BMP8A: variants seen among roughly 807,000 people sequenced by gnomAD.
BMP8A encodes the protein BMP-8A.
Under a neutral mutation model 36.8 loss-of-function variants are expected in BMP8A, and 14 were observed. The ratio of observed to expected loss-of-function variants is 0.38; its 90% confidence interval spans 0.25 to 0.60. The LOEUF (loss-of-function observed/expected upper bound fraction) is 0.60. Among genes scored for constraint, BMP8A ranks in the 20% least tolerant of loss-of-function variants. BMP8A has a pLI of 0.63. For missense variants in BMP8A, 267 were observed against 551.1 expected (o/e 0.48, Z 5.16); for synonymous variants, 120 against 237.7 (o/e 0.50, Z 4.55).
At chr1:39,507,579 T>C (rs1345079755) in intron 1 of BMP8A, among the ~76,000 whole-genome samples, 4 of 152,060 alleles carry the variant, frequency 2.6e-5, no homozygotes, top group Non-Finnish European at 5.9e-5. Flanking sequence ...GAGGAGATTG[T>C]ATTTGGTACT....
chr1:39,525,103 G>A, intron 6 of BMP8A: 1 of 155,150 alleles, frequency 6.4e-6, no homozygotes, highest in Non-Finnish European at 1.4e-5. Context: ...GGAGTGGAGA[G>A]GTGCGGGCAC....
intron 1 of BMP8A, among the ~76,000 whole-genome samples, chr1:39,506,868 C>G (rs1645306488): frequency 6.6e-6 from 1 of 152,218 alleles, no homozygotes; most frequent in Non-Finnish European, 1.5e-5. Flanking sequence ...ATAATGACTT[C>G]TGCACCATTA....
In BMP8A at chr1:39,505,985, C is replaced by CAAAAAAAAAAAAAAAAAAAAA. The variant is rs369981354; in HGVS notation, c.335-5189_335-5188insAAAAAAAAAAAAAAAAAAAAA. 4.3e-5 allele frequency among the ~76,000 whole-genome samples: 4 copies of CAAAAAAAAAAAAAAAAAAAAA among 93,914 alleles called. 2 individuals are homozygous for CAAAAAAAAAAAAAAAAAAAAA. Among genetic ancestry groups the CAAAAAAAAAAAAAAAAAAAAA allele is most frequent in the Non-Finnish European group, 4.0e-5 (2 of 49,782 alleles). The allele number at this position is 93,914 out of a possible 152,430, so 61.6% of individuals were successfully genotyped here. On this transcript the variant is annotated intron_variant, in intron 1 of 6. Coordinates refer to ENST00000331593, the MANE Select transcript of BMP8A (RefSeq NM_181809.4). ...TGGGTGACAGAGCAAGACCCTGTCT[C>CAAAAAAAAAAAAAAAAAAAAA]CAAAAAAAAAAAAAAAAAAAAGTGT...
rs1387123055 is a variant in BMP8A, at chr1:39,529,678, A to T, written c.*3880A>T. ...AATACAAACACCCATAATCAATCACAGAGATAACCACTGTTCATAATTCCT... is the reference window on the plus strand; with the variant it reads ...AATACAAACACCCATAATCAATCACTGAGATAACCACTGTTCATAATTCCT... On this transcript the variant is annotated 3_prime_UTR_variant, in exon 7 of 7. Coordinates refer to ENST00000331593, the MANE Select transcript of BMP8A (RefSeq NM_181809.4). 1.3e-5 allele frequency among the ~76,000 whole-genome samples: 2 copies of T among 152,266 alleles called. No individual in the cohort carries two copies. The highest frequency in any genetic ancestry group is 2.4e-5 in the African/African-American group (1 of 41,478).
Position 39,526,194 on chromosome 1 carries a change from G to A in BMP8A, c.*396G>A, listed in dbSNP as rs1035238811. 3.3e-5 allele frequency among the ~76,000 whole-genome samples: 5 copies of A among 152,142 alleles called. No homozygotes were observed. Among genetic ancestry groups the A allele is most frequent in the African/African-American group, 1.2e-4 (5 of 41,410 alleles). On this transcript the variant is annotated 3_prime_UTR_variant, in exon 7 of 7. Transcript: ENST00000331593. ...AGGAGAAGGGCTCTGCCTCTTCCCA[G>A]GTACAACACTGGCCATTTCTGGGCA...
Position 39,523,143 on chromosome 1 carries a change from G to GC in BMP8A, c.1059+31dup, listed in dbSNP as rs560515458. ...GTCAGTACCGTGCCCATCCTGCCCA[G>GC]CCCCCTGGGGTGGGAGGCCCTGCAG... On this transcript the variant is annotated intron_variant, in intron 6 of 6. Coordinates refer to ENST00000331593, the MANE Select transcript of BMP8A (RefSeq NM_181809.4). 487 of 1,609,316 alleles carry GC rather than the reference G, an allele frequency of 3.0e-4. 8 individuals carry two copies. In the East Asian group the frequency reaches 0.011, roughly 35 times the overall value.
intron 1 of BMP8A, among the ~76,000 whole-genome samples, chr1:39,504,246 C>G (rs897237379): frequency 5.9e-5 from 9 of 151,530 alleles, no homozygotes; most frequent in African/African-American, 2.2e-4. Context: ...AAAAGTGGGC[C>G]CAGGGGACCG....
chr1:39,515,477 C>A, intron 3 of BMP8A: 2 of 957,578 alleles, frequency 2.1e-6, no homozygotes, highest in East Asian at 2.7e-5. Flanking sequence ...CCATCCGCTA[C>A]ACCCCGGACG....
At chr1:39,499,326 G>A (rs1238762705) in intron 1 of BMP8A, among the ~76,000 whole-genome samples, 54 of 152,258 alleles carry the variant, frequency 3.5e-4, no homozygotes, top group African/African-American at 1.1e-3. Context: ...CAGGGCCAGC[G>A]CAGGGAGGGC....
At chr1:39,495,019 C>T (rs990407448) in intron 1 of BMP8A, among the ~76,000 whole-genome samples, 2 of 1,480 alleles carry the variant, frequency 1.4e-3, no homozygotes, top group Admixed American at 8.9e-3. Context: ...CTGGGTGGGG[C>T]GGGGTGGGTG....
intron 3 of BMP8A, among the ~76,000 whole-genome samples, chr1:39,517,498 T>A (rs1422303960): frequency 7.3e-5 from 11 of 151,654 alleles, no homozygotes; most frequent in African/African-American, 2.7e-4. Flanking sequence ...GTATATATAT[T>A]TTTAACAGTA....
At chr1:39,514,052 C>T (rs1364274537) in intron 3 of BMP8A, among the ~76,000 whole-genome samples, 2 of 148,364 alleles carry the variant, frequency 1.3e-5, no homozygotes, top group Non-Finnish European at 3.0e-5. Flanking sequence ...TTTGCCATCA[C>T]AGAGGTTGTT....
At chr1:39,503,640 G>A (rs1490298270) in intron 1 of BMP8A, among the ~76,000 whole-genome samples, 1 of 149,390 alleles carries the variant, frequency 6.7e-6, no homozygotes, top group East Asian at 2.0e-4. Flanking sequence ...TCAGCCTCCT[G>A]AGTAGCTGGG....
At chr1:39,496,106 C>T (rs1465195301) in intron 1 of BMP8A, among the ~76,000 whole-genome samples, 1 of 152,248 alleles carries the variant, frequency 6.6e-6, no homozygotes, top group Non-Finnish European at 1.5e-5. Flanking sequence ...GGCACCATCT[C>T]CGTGGGCCCC....
At chr1:39,499,454 C>G (rs150562536) in intron 1 of BMP8A, among the ~76,000 whole-genome samples, 95 of 152,366 alleles carry the variant, frequency 6.2e-4, no homozygotes, top group African/African-American at 2.3e-3. Flanking sequence ...CTTTTGAAGT[C>G]CCACTTTTTG....
chr1:39,510,289 C>T (rs1189864307), intron 1 of BMP8A, among the ~76,000 whole-genome samples: 5 of 113,084 alleles, frequency 4.4e-5, no homozygotes, highest in South Asian at 4.0e-4. Context: ...CTCCCTGCCA[C>T]CTTCTCCACC....
At chr1:39,501,803 G>A (rs1645256001) in intron 1 of BMP8A, among the ~76,000 whole-genome samples, 1 of 152,182 alleles carries the variant, frequency 6.6e-6, no homozygotes, top group Non-Finnish European at 1.5e-5. Context: ...GTCACAGCAT[G>A]TATCATTTTG....
At position 39,492,039 on chromosome 1, in the gene BMP8A, C is replaced by T. The variant is rs1645162907; in HGVS notation, c.48C>T (p.Cys16=). The T allele has an allele frequency of 2.7e-6, 3 of 1,096,672 alleles. No individual in the cohort carries two copies. Among genetic ancestry groups the T allele is most frequent in the South Asian group, 8.5e-5 (2 of 23,576 alleles). 67.9% of individuals were successfully genotyped at this position (1,096,672 alleles called of 1,614,324 possible). Residue 16 remains cysteine, a synonymous_variant, in exon 1 of 7, where the codon TGC becomes TGT. Transcript: ENST00000331593. ...TCTGGCTTCTGGGCCTGACGTTGTGCGCGCTGGGCGGGGGCGGCCCCGGCC... is the reference window on the plus strand; with the variant it reads ...TCTGGCTTCTGGGCCTGACGTTGTGTGCGCTGGGCGGGGGCGGCCCCGGCC... ...GPLWLLGLTL[C]ALGGGGPGLR...
At position 39,527,828 on chromosome 1, in the gene BMP8A, A is replaced by G. The variant is rs1203076956; in HGVS notation, c.*2030A>G. Reference sequence around the variant, plus strand: ...TTTCTTATTCACGCTTCAGTTTCTCATCTGCAACATGAGGACATAGGACTC... The same window carrying G: ...TTTCTTATTCACGCTTCAGTTTCTCGTCTGCAACATGAGGACATAGGACTC... On this transcript the variant is annotated 3_prime_UTR_variant, in exon 7 of 7. Coordinates refer to ENST00000331593, the MANE Select transcript of BMP8A (RefSeq NM_181809.4). Among the ~76,000 whole-genome samples, 1 of 152,138 alleles carries G rather than the reference A, an allele frequency of 6.6e-6. No homozygotes were observed. Among genetic ancestry groups the G allele is most frequent in the African/African-American group, 2.4e-5 (1 of 41,434 alleles).
Sources: allele counts gnomAD v4.1 joint callset (sites outside exome capture counted in the v4.1 genomes callset), GRCh38; gene constraint gnomAD v4.1.1; transcripts MANE v1.5; gene names NCBI Gene and HGNC (gene_info 2026-07-23, HGNC 2026-07-21).